PRKCE: variants seen among roughly 807,000 people sequenced by gnomAD.
The protein encoded by PRKCE is protein kinase C epsilon, also known as protein kinase C epsilon type.
A neutral mutation model predicts 85.4 loss-of-function variants in PRKCE; 16 were observed. That is an observed-to-expected ratio of 0.19 (90% CI 0.13 to 0.28). The LOEUF is 0.28. PRKCE is among the 10% of genes least tolerant of loss of function. The probability of loss-of-function intolerance (pLI) is 1.00; values close to 1 mark genes in which losing one functional copy is unlikely to be tolerated. For synonymous variants in PRKCE, 388 were observed against 371.5 expected (o/e 1.04, Z -0.51); for missense variants, 573 against 975.2 (o/e 0.59, Z 5.49).
At chr2:46,147,007 T>C (rs1298604565) in intron 12 of PRKCE, among the ~76,000 whole-genome samples, 1 of 152,064 alleles carries the variant, frequency 6.6e-6, no homozygotes, top group Non-Finnish European at 1.5e-5. Flanking sequence ...GCTGTGCAGA[T>C]CAGAAGGCAG....
chr2:46,171,421 C>G (rs1425559955), intron 14 of PRKCE, among the ~76,000 whole-genome samples: 1 of 152,232 alleles, frequency 6.6e-6, no homozygotes, highest in Non-Finnish European at 1.5e-5. Context: ...CCGCTATTGA[C>G]AGAAACCATT....
At chr2:45,737,800 C>G (rs1275191054) in intron 1 of PRKCE, among the ~76,000 whole-genome samples, 1 of 152,134 alleles carries the variant, frequency 6.6e-6, no homozygotes, top group Non-Finnish European at 1.5e-5. Flanking sequence ...AAGACTCACC[C>G]CCTCTGCTGA....
At chr2:46,151,320 C>CAG in intron 13 of PRKCE, 91 bp downstream of exon 13, 1 of 1,149,438 alleles carries the variant, frequency 8.7e-7, no homozygotes, top group East Asian at 2.5e-5. Flanking sequence ...CACACACACA[C>CAG]ACACTCCCTT....
chr2:45,856,800 CA>C (rs1334129033), intron 2 of PRKCE, among the ~76,000 whole-genome samples: 2 of 152,144 alleles, frequency 1.3e-5, no homozygotes. Flanking sequence ...TGAGATCATG[CA>C]GTGTTTGTCT....
chr2:46,059,124 G>C (rs747100225), intron 10 of PRKCE, among the ~76,000 whole-genome samples: 1 of 152,234 alleles, frequency 6.6e-6, no homozygotes, highest in South Asian at 2.1e-4. Context: ...TGTGGTGCTT[G>C]TTTGTGGTCC....
rs1030269300 is a variant in PRKCE at position 46,004,450 on chromosome 2, T to C, written c.967-92T>C. 3 of 1,056,854 alleles carry C rather than the reference T, an allele frequency of 2.8e-6. No individual in the cohort carries two copies. The highest frequency in any genetic ancestry group is 4.2e-6 in the Non-Finnish European group (3 of 714,400). The allele number at this position is 1,056,854 out of a possible 1,614,324, so 65.5% of individuals were successfully genotyped here. A position where few individuals can be genotyped will look rare whatever the true frequency, so the allele number is the denominator to read the frequency against. ...ATTCCTGCTGCTCTGGGAACTCTCA[T>C]GGCTCTTATACGGCATCTTGATGCT... is the stretch of plus-strand genomic sequence containing the variant. On this transcript the variant is annotated intron_variant, in intron 7 of 14. Transcript: ENST00000306156. This position sits in a 1 kb window ranked among gnomAD's most constrained non-coding sequence, Gnocchi z 4.1.
intron 1 of PRKCE, among the ~76,000 whole-genome samples, chr2:45,837,549 G>C (rs1215854145): frequency 6.6e-6 from 1 of 152,136 alleles, no homozygotes; most frequent in African/African-American, 2.4e-5. Flanking sequence ...GAGCCACCAC[G>C]CCCAGTCTAG....
chr2:46,152,368 G>T (rs1165600178), intron 13 of PRKCE, among the ~76,000 whole-genome samples: 1 of 151,810 alleles, frequency 6.6e-6, no homozygotes, highest in African/African-American at 2.4e-5. Context: ...TTTTAGTAGT[G>T]ACAAGATTTC....
At chr2:46,043,450 C>A (rs1055067343) in intron 10 of PRKCE, among the ~76,000 whole-genome samples, 5 of 152,126 alleles carry the variant, frequency 3.3e-5, no homozygotes, top group South Asian at 2.1e-4. Flanking sequence ...CCATTGATAT[C>A]TTTTTAATAT....
chr2:46,175,038 G>GCTTC (rs528545492), intron 14 of PRKCE, among the ~76,000 whole-genome samples: 109 of 152,066 alleles, frequency 7.2e-4, no homozygotes, highest in Non-Finnish European at 1.1e-3. Flanking sequence ...GGCTAAAATT[G>GCTTC]CTTCCTTCCT....
At chr2:45,833,818 A>G (rs1690631652) in intron 1 of PRKCE, among the ~76,000 whole-genome samples, 1 of 152,230 alleles carries the variant, frequency 6.6e-6, no homozygotes, top group Admixed American at 6.5e-5. Flanking sequence ...TATCTGCTTC[A>G]GAATGCTTGG....
At chr2:45,963,839 A>C (rs1012669874) in intron 2 of PRKCE, among the ~76,000 whole-genome samples, 7 of 152,234 alleles carry the variant, frequency 4.6e-5, no homozygotes, top group African/African-American at 1.7e-4. Flanking sequence ...GCAAGTGCTC[A>C]AAACTGCCTT....
chr2:45,870,366 G>A (rs1345164923), intron 2 of PRKCE, among the ~76,000 whole-genome samples: 3 of 151,804 alleles, frequency 2.0e-5, no homozygotes, highest in East Asian at 1.9e-4. Flanking sequence ...TTAGCAGCAC[G>A]CTCCAGTGTT....
intron 2 of PRKCE, among the ~76,000 whole-genome samples, chr2:45,846,271 A>C (rs780926619): frequency 6.6e-6 from 1 of 152,094 alleles, no homozygotes; most frequent in Non-Finnish European, 1.5e-5. Flanking sequence ...ATATGATGTA[A>C]TTTGCATATT....
chr2:46,066,349 A>G (rs1667625499), intron 10 of PRKCE, among the ~76,000 whole-genome samples: 1 of 151,960 alleles, frequency 6.6e-6, no homozygotes, highest in Non-Finnish European at 1.5e-5. Context: ...TTTTTTTGAG[A>G]CCTCACTTTC....
At chr2:46,093,762 T>C (rs2345956) in intron 11 of PRKCE, among the ~76,000 whole-genome samples, 2 of 151,656 alleles carry the variant, frequency 1.3e-5, no homozygotes, top group African/African-American at 4.9e-5. Context: ...GAAAATGAGG[T>C]TTTAGTTCCG....
intron 2 of PRKCE, among the ~76,000 whole-genome samples, chr2:45,890,564 G>C (rs1041589970): frequency 6.6e-6 from 1 of 152,046 alleles, no homozygotes; most frequent in East Asian, 1.9e-4. Context: ...ATTTTTAGTA[G>C]AGATGGGATT....
chr2:45,873,523 C>G (rs1165672108), intron 2 of PRKCE, among the ~76,000 whole-genome samples: 1 of 152,006 alleles, frequency 6.6e-6, no homozygotes, highest in Non-Finnish European at 1.5e-5. Context: ...GAGGTATGGC[C>G]CCAGCATGGT....
At chr2:46,072,379 T>C (rs1668154144) in intron 10 of PRKCE, among the ~76,000 whole-genome samples, 1 of 152,192 alleles carries the variant, frequency 6.6e-6, no homozygotes, top group African/African-American at 2.4e-5. Flanking sequence ...AGTCAGAACA[T>C]GAAAGGGGAT....
Sources: gnomAD v4.1 joint callset for allele counts (sites outside exome capture counted in the v4.1 genomes callset) on GRCh38, gnomAD v4.1.1 for gene constraint, Gnocchi (gnomAD v3.1) non-coding constraint, MANE v1.5 for transcripts, NCBI Gene and HGNC (gene_info 2026-07-23, HGNC 2026-07-21) for gene names.